The following UTRN variants were observed in gnomAD, a reference collection of about 807,000 sequenced individuals.
UTRN encodes dystrophin-related protein 1.
Under a neutral mutation model 463.9 loss-of-function variants are expected in UTRN, and 283 were observed. The observed-to-expected ratio is 0.61, with a 90% CI of 0.55 to 0.67. The LOEUF (loss-of-function observed/expected upper bound fraction) is 0.67. UTRN is among the 30% of genes least tolerant of loss of function. The pLI is 0.00. For missense variants in UTRN, 3,922 were observed against 4,084.3 expected (o/e 0.96, Z 1.08); for synonymous variants, 1,442 against 1,431.5 (o/e 1.01, Z -0.17).
intron 45 of UTRN, among the ~76,000 whole-genome samples, chr6:144,541,675 G>C (rs550926982): frequency 6.6e-6 from 1 of 152,306 alleles, no homozygotes; most frequent in South Asian, 2.1e-4. Flanking sequence ...GCATTAAAGA[G>C]TGTGGCATTC....
chr6:144,832,524 A>G (rs941050051), intron 69 of UTRN, among the ~76,000 whole-genome samples: 2 of 152,208 alleles, frequency 1.3e-5, no homozygotes, highest in African/African-American at 2.4e-5. Flanking sequence ...ACAAAAATTT[A>G]CTTGGTATTA....
chr6:144,421,158 C>T (rs1052800450), intron 3 of UTRN, among the ~76,000 whole-genome samples: 10 of 152,204 alleles, frequency 6.6e-5, no homozygotes, highest in East Asian at 5.8e-4. Flanking sequence ...AGGTGCCTAC[C>T]GCCATGCCCG....
At chr6:144,337,543 C>A (rs1381893195) in intron 2 of UTRN, among the ~76,000 whole-genome samples, 1 of 152,110 alleles carries the variant, frequency 6.6e-6, no homozygotes, top group Non-Finnish European at 1.5e-5. Flanking sequence ...TATGATTTCC[C>A]TGCTTTTATT....
At chr6:144,678,642 G>A (rs1183558936) in intron 52 of UTRN, 64 bp downstream of exon 52, 3 of 1,421,234 alleles carry the variant, frequency 2.1e-6, no homozygotes, top group Admixed American at 2.5e-5. Context: ...TGTGATTTTT[G>A]TATATCAGAA....
intron 64 of UTRN, chr6:144,799,270 A>G (rs748897486): frequency 4.0e-4 from 135 of 340,108 alleles, no homozygotes; most frequent in Admixed American, 9.5e-4. Context: ...TGAAAATTCA[A>G]AAGTTCTCTT....
chr6:144,359,891 A>G (rs1249744670), intron 2 of UTRN, among the ~76,000 whole-genome samples: 1 of 152,166 alleles, frequency 6.6e-6, no homozygotes, highest in Admixed American at 6.5e-5. Flanking sequence ...GTGTTGCTGC[A>G]TAATATGAAA....
chr6:144,482,262 C>A lies in UTRN; in HGVS notation c.3561C>A (p.Asp1187Glu), dbSNP rs764249018. 2.5e-6 allele frequency: 4 copies of A among 1,606,872 alleles called. No homozygotes were observed. Among genetic ancestry groups the A allele is most frequent in the Non-Finnish European group, 3.4e-6 (4 of 1,177,652 alleles). Reference sequence around the variant, plus strand: ...AGGTGAGAGTGAAGATTCTCAAGGACAACATCAAGTTATTAGCTGCCAAGG... The same window carrying A: ...AGGTGAGAGTGAAGATTCTCAAGGAAAACATCAAGTTATTAGCTGCCAAGG... Reference protein sequence around the residue: ...QKEVRVKILKDNIKLLAAKVP... With the variant: ...QKEVRVKILKENIKLLAAKVP... The change falls in exon 27 of 75, where the codon GAC (aspartate) becomes GAA (glutamate). Residue 1187 changes from aspartate to glutamate, a missense_variant. Asp to Glu is a conservative substitution (Grantham distance 45). Transcript: ENST00000367545.
Position 144,509,938 on chromosome 6 carries a change from A to G in UTRN, c.4765-1006A>G, listed in dbSNP as rs543108563. Among the ~76,000 whole-genome samples, 92 of 152,282 alleles carry G rather than the reference A, an allele frequency of 6.0e-4. 1 individual carries two copies. The highest frequency in any genetic ancestry group is 2.1e-3 in the African/African-American group (89 of 41,576). ...ATTCTTATTAATAATTGCTGAGAGCATAGCTATTGGGTATCCTTTATTTTC... is the reference window on the plus strand; with the variant it reads ...ATTCTTATTAATAATTGCTGAGAGCGTAGCTATTGGGTATCCTTTATTTTC... On this transcript the variant is annotated intron_variant, in intron 34 of 74. Transcript: ENST00000367545.
intron 30 of UTRN, among the ~76,000 whole-genome samples, chr6:144,489,822 A>G (rs897877930): frequency 6.6e-6 from 1 of 151,820 alleles, no homozygotes; most frequent in South Asian, 2.1e-4. Flanking sequence ...GGGTTTCACC[A>G]TCTTGGCCAG....
At chr6:144,567,466 A>C (rs9497005) in intron 50 of UTRN, among the ~76,000 whole-genome samples, 2 of 152,172 alleles carry the variant, frequency 1.3e-5, no homozygotes, top group Non-Finnish European at 2.9e-5. Context: ...CCTGACAATC[A>C]CAGCCCCAAG....
intron 9 of UTRN, among the ~76,000 whole-genome samples, chr6:144,435,321 T>C (rs1455866102): frequency 6.6e-6 from 1 of 152,166 alleles, no homozygotes; most frequent in Non-Finnish European, 1.5e-5. Context: ...CTCAGTTATT[T>C]AGAAAGAGGT....
At chr6:144,315,613 G>A (rs1220409632) in intron 2 of UTRN, among the ~76,000 whole-genome samples, 2 of 152,194 alleles carry the variant, frequency 1.3e-5, no homozygotes, top group Non-Finnish European at 2.9e-5. Context: ...AGATAACGGC[G>A]CCCACTCTGG....
intron 69 of UTRN, among the ~76,000 whole-genome samples, chr6:144,831,390 G>A (rs1373452402): frequency 6.6e-6 from 1 of 152,160 alleles, no homozygotes; most frequent in Non-Finnish European, 1.5e-5. Context: ...AGGTCAGAGA[G>A]AGATCTGCAG....
chr6:144,504,424 GT>G (rs375337798), intron 34 of UTRN, among the ~76,000 whole-genome samples: 1 of 152,246 alleles, frequency 6.6e-6, no homozygotes, highest in African/African-American at 2.4e-5. Flanking sequence ...TTAATACCTA[GT>G]TTATTAAGTG....
chr6:144,453,052 T>G (rs961012856), intron 18 of UTRN, among the ~76,000 whole-genome samples: 2 of 152,202 alleles, frequency 1.3e-5, no homozygotes, highest in African/African-American at 2.4e-5. Flanking sequence ...GCTTGAAGTT[T>G]GCATTGAACC....
At chr6:144,556,046 A>G (rs1297777645) in intron 49 of UTRN, among the ~76,000 whole-genome samples, 5 of 152,220 alleles carry the variant, frequency 3.3e-5, no homozygotes, top group Non-Finnish European at 4.4e-5. Context: ...TTGAACAACT[A>G]TGGTATTTTT....
chr6:144,377,409 C>T (rs1041986327), intron 2 of UTRN, among the ~76,000 whole-genome samples: 1 of 152,184 alleles, frequency 6.6e-6, no homozygotes, highest in African/African-American at 2.4e-5. Flanking sequence ...TTATCATATT[C>T]TATCACCATG....
intron 69 of UTRN, among the ~76,000 whole-genome samples, chr6:144,829,742 T>G (rs1170417863): frequency 1.3e-5 from 2 of 151,792 alleles, no homozygotes; most frequent in Non-Finnish European, 2.9e-5. Flanking sequence ...GAGTGCTAGG[T>G]TAAAATACTT....
chr6:144,384,645 T>C (rs1309812134), intron 2 of UTRN, among the ~76,000 whole-genome samples: 1 of 152,226 alleles, frequency 6.6e-6, no homozygotes, highest in Non-Finnish European at 1.5e-5. Flanking sequence ...CTCATGTAAG[T>C]GGAATCATAC....
Sources: gnomAD v4.1 joint callset for allele counts (sites outside exome capture counted in the v4.1 genomes callset) on GRCh38, gnomAD v4.1.1 for gene constraint, MANE v1.5 for transcripts, NCBI Gene and HGNC (gene_info 2026-07-23, HGNC 2026-07-21) for gene names.